ASIC2: variants seen among roughly 807,000 people sequenced by gnomAD.
The protein encoded by ASIC2 is acid-sensing ion channel 2.
Under a neutral mutation model 57.3 loss-of-function variants are expected in ASIC2, and 25 were observed. The observed-to-expected ratio is 0.44, with a 90% CI of 0.32 to 0.61. The LOEUF (loss-of-function observed/expected upper bound fraction) is 0.61. Among genes scored for constraint, ASIC2 ranks in the 20% least tolerant of loss-of-function variants. ASIC2 has a pLI of 0.06. For synonymous variants in ASIC2, 319 were observed against 307.5 expected, an observed-to-expected ratio of 1.04 and a Z score of -0.39; for missense variants, 641 against 738.1, an observed-to-expected ratio of 0.87 and a Z score of 1.52.
intron 1 of ASIC2, among the ~76,000 whole-genome samples, chr17:33,479,717 C>T (rs116283885): frequency 0.023 from 3,527 of 152,230 alleles, 148 homozygotes; most frequent in African/African-American, 0.08. Flanking sequence ...GTAGGCCTGG[C>T]TAGGACCATG....
intron 1 of ASIC2, among the ~76,000 whole-genome samples, chr17:33,415,426 A>G (rs886174957): frequency 6.6e-6 from 1 of 152,010 alleles, no homozygotes; most frequent in Admixed American, 6.6e-5. Flanking sequence ...TTGAGTTGTT[A>G]TTTTTATTAT....
intron 1 of ASIC2, among the ~76,000 whole-genome samples, chr17:33,699,633 C>T (rs574374486): frequency 6.6e-6 from 1 of 152,300 alleles, no homozygotes; most frequent in East Asian, 1.9e-4. Context: ...CCAAATTCAG[C>T]AGCAGAGACA....
chr17:33,111,579 G>T (rs2092258228), intron 2 of ASIC2, among the ~76,000 whole-genome samples: 1 of 152,112 alleles, frequency 6.6e-6, no homozygotes, highest in Non-Finnish European at 1.5e-5. Context: ...GAGAGAGAAA[G>T]AGGCTGATCC....
intron 1 of ASIC2, among the ~76,000 whole-genome samples, chr17:33,518,370 G>A (rs1473736187): frequency 6.6e-6 from 1 of 152,226 alleles, no homozygotes; most frequent in Non-Finnish European, 1.5e-5. Flanking sequence ...GGTTGGTGGA[G>A]TCCCAGCCCC....
At chr17:33,993,724 AGAACTGAACTGTGATAG>A (rs1248513022) in intron 1 of ASIC2, among the ~76,000 whole-genome samples, 6 of 108,774 alleles carry the variant, frequency 5.5e-5, no homozygotes, top group African/African-American at 4.4e-4. Flanking sequence ...GAAGTGGGAG[AGAACTGAACTGTGATAG>A]TTTAGTCTAG....
chr17:33,284,909 G>A (rs192590694), intron 1 of ASIC2, among the ~76,000 whole-genome samples: 1 of 152,276 alleles, frequency 6.6e-6, no homozygotes, highest in African/African-American at 2.4e-5. Context: ...CAGTCACTCC[G>A]ATGAGGCACA....
At chr17:33,313,170 TA>T (rs1277953570) in intron 1 of ASIC2, among the ~76,000 whole-genome samples, 2 of 150,694 alleles carry the variant, frequency 1.3e-5, no homozygotes, top group Non-Finnish European at 1.5e-5. Context: ...ATTTTTTTTT[TA>T]AAAAATTAGC....
chr17:33,311,958 A>G (rs1263023519), intron 1 of ASIC2, among the ~76,000 whole-genome samples: 1 of 152,180 alleles, frequency 6.6e-6, no homozygotes, highest in Admixed American at 6.5e-5. Context: ...TTGAAATACT[A>G]AAGCAGTCTT....
intron 1 of ASIC2, among the ~76,000 whole-genome samples, chr17:33,233,921 C>A (rs1481776001): frequency 6.6e-6 from 1 of 152,176 alleles, no homozygotes; most frequent in African/African-American, 2.4e-5. Context: ...TTAGGCGGGA[C>A]AGCCCTGCTG....
chr17:33,638,685 G>A (rs994421920), intron 1 of ASIC2, among the ~76,000 whole-genome samples: 2 of 152,154 alleles, frequency 1.3e-5, no homozygotes, highest in African/African-American at 4.8e-5. Context: ...GATGGGTATA[G>A]CAGCTCCTGC....
At chr17:33,189,505 C>A (rs1038110742) in intron 1 of ASIC2, among the ~76,000 whole-genome samples, 1 of 152,056 alleles carries the variant, frequency 6.6e-6, no homozygotes. Context: ...GTCTGCACAT[C>A]CCAATTAAGG....
chr17:33,242,303 G>A (rs1908535340), intron 1 of ASIC2, among the ~76,000 whole-genome samples: 2 of 145,098 alleles, frequency 1.4e-5, no homozygotes, highest in East Asian at 2.0e-4. Flanking sequence ...GGGACAGAGC[G>A]AGACTCCGTC....
intron 1 of ASIC2, among the ~76,000 whole-genome samples, chr17:33,892,394 A>G (rs1914987931): frequency 6.6e-6 from 1 of 152,166 alleles, no homozygotes; most frequent in African/African-American, 2.4e-5. Flanking sequence ...AGTAGATAGC[A>G]AGTGCAAAGG....
At chr17:33,298,589 T>A (rs1567815167) in intron 1 of ASIC2, among the ~76,000 whole-genome samples, 1 of 152,202 alleles carries the variant, frequency 6.6e-6, no homozygotes, top group Non-Finnish European at 1.5e-5. Flanking sequence ...GCAGCATGAT[T>A]TATAATCCTT....
chr17:33,699,508 C>T (rs1476295892), intron 1 of ASIC2, among the ~76,000 whole-genome samples: 3 of 152,196 alleles, frequency 2.0e-5, no homozygotes, highest in African/African-American at 4.8e-5. Context: ...GCATGACTTT[C>T]GCAGCCACAT....
chr17:33,554,358 ATG>A (rs71144888), intron 1 of ASIC2, among the ~76,000 whole-genome samples: 18,638 of 149,794 alleles, frequency 0.12, 2,305 homozygotes, highest in African/African-American at 0.32. Context: ...CACTGCTTAT[ATG>A]TGTGTGTGTG....
chr17:33,224,625 T>A (rs1203741824), intron 1 of ASIC2, among the ~76,000 whole-genome samples: 2 of 152,222 alleles, frequency 1.3e-5, no homozygotes, highest in African/African-American at 2.4e-5. Context: ...AGTGCCTCCT[T>A]TGAGCCATTT....
intron 1 of ASIC2, among the ~76,000 whole-genome samples, chr17:33,586,245 T>C (rs533034697): frequency 4.9e-4 from 74 of 152,322 alleles, no homozygotes; most frequent in African/African-American, 1.8e-3. Context: ...TGGAGCTTTT[T>C]TCTGGAGCTT....
At chr17:33,527,169 C>T (rs1686160565) in intron 1 of ASIC2, among the ~76,000 whole-genome samples, 1 of 152,138 alleles carries the variant, frequency 6.6e-6, no homozygotes, top group African/African-American at 2.4e-5. Flanking sequence ...TGTTCTTCTT[C>T]AGATGTGTGT....
Sources: allele counts gnomAD v4.1 joint callset (sites outside exome capture counted in the v4.1 genomes callset), GRCh38; gene constraint gnomAD v4.1.1; transcripts MANE v1.5; gene names NCBI Gene and HGNC (gene_info 2026-07-23, HGNC 2026-07-21).